Variants in ZNF407 observed in about 807,000 individuals in gnomAD.
ZNF407 encodes zinc finger protein 407.
In ZNF407, 17 loss-of-function variants were observed where a neutral mutation model predicts 131.2. That is an observed-to-expected ratio of 0.13 (90% CI 0.09 to 0.19). ZNF407 has a LOEUF of 0.19. ZNF407 is among the 10% of genes least tolerant of loss of function. The pLI, the probability that ZNF407 is intolerant of heterozygous loss-of-function variation, is 1.00. For missense variants in ZNF407, 2,681 were observed against 2,830.6 expected (o/e 0.95, Z 1.20); for synonymous variants, 1,156 against 1,062.0 (o/e 1.09, Z -1.72).
intron 3 of ZNF407, among the ~76,000 whole-genome samples, chr18:74,778,178 T>G (rs1419467553): frequency 6.6e-6 from 1 of 152,174 alleles, no homozygotes; most frequent in African/African-American, 2.4e-5. Context: ...CCCTCTTTTT[T>G]CTATCCTCCC....
At chr18:74,616,733 C>T (rs964561207) in intron 1 of ZNF407, among the ~76,000 whole-genome samples, 4 of 143,498 alleles carry the variant, frequency 2.8e-5, no homozygotes, top group Admixed American at 7.1e-5. Flanking sequence ...TTCATGTCCA[C>T]GCTCTCTTGC....
chr18:74,797,909 A>G (rs1483221262), intron 4 of ZNF407, among the ~76,000 whole-genome samples: 1 of 152,102 alleles, frequency 6.6e-6, no homozygotes, highest in Non-Finnish European at 1.5e-5. Flanking sequence ...ATTAAGTGAA[A>G]TAATGATGCA....
At chr18:74,863,277 C>G (rs1458320412) in intron 4 of ZNF407, among the ~76,000 whole-genome samples, 1 of 151,088 alleles carries the variant, frequency 6.6e-6, no homozygotes, top group Non-Finnish European at 1.5e-5. Context: ...TTGTAAGTGA[C>G]ATTGTATGTA....
intron 1 of ZNF407, among the ~76,000 whole-genome samples, chr18:74,624,230 G>C (rs1309809911): frequency 6.6e-6 from 1 of 152,138 alleles, no homozygotes; most frequent in African/African-American, 2.4e-5. Flanking sequence ...CATGTTTGTT[G>C]AGTGAATGAC....
intron 1 of ZNF407, among the ~76,000 whole-genome samples, chr18:74,602,345 T>C (rs1210314365): frequency 6.6e-6 from 1 of 152,316 alleles, no homozygotes; most frequent in East Asian, 1.9e-4. Flanking sequence ...TTAAGTGTCA[T>C]TTTTCCTTTA....
At chr18:75,012,320 CACATAGTGTATGTACACATAGTGTAT>C (rs1972986003) in intron 8 of ZNF407, among the ~76,000 whole-genome samples, 2 of 107,050 alleles carry the variant, frequency 1.9e-5, no homozygotes, top group African/African-American at 6.6e-5. Context: ...AGTGTATGTA[CACATAGTGTATGTACACATAGTGTAT>C]GTACACATAG....
intron 3 of ZNF407, among the ~76,000 whole-genome samples, chr18:74,647,095 C>T (rs561726614): frequency 1.3e-5 from 2 of 152,006 alleles, no homozygotes; most frequent in Non-Finnish European, 2.9e-5. Flanking sequence ...TGACTTAACT[C>T]GTTGCTTCTT....
chr18:74,694,802 C>G (rs1207230743), intron 3 of ZNF407, among the ~76,000 whole-genome samples: 1 of 152,170 alleles, frequency 6.6e-6, no homozygotes, highest in Non-Finnish European at 1.5e-5. Context: ...GGCCCTAGTT[C>G]TCATGACTGG....
At chr18:74,850,453 T>C (rs1323698446) in intron 4 of ZNF407, among the ~76,000 whole-genome samples, 4 of 152,156 alleles carry the variant, frequency 2.6e-5, no homozygotes, top group Non-Finnish European at 5.9e-5. Flanking sequence ...ATTCTACTCC[T>C]TTCCCTCTTT....
intron 1 of ZNF407, among the ~76,000 whole-genome samples, chr18:74,610,729 T>C (rs1983022479): frequency 6.6e-6 from 1 of 152,016 alleles, no homozygotes. Flanking sequence ...CTGCTTTTTT[T>C]TTAAGTAGAG....
At chr18:74,709,799 A>G (rs1967714133) in intron 3 of ZNF407, among the ~76,000 whole-genome samples, 1 of 152,236 alleles carries the variant, frequency 6.6e-6, no homozygotes, top group South Asian at 2.1e-4. Flanking sequence ...AAGGGAATGA[A>G]CAGATATAAT....
At chr18:75,022,270 G>A (rs1381332523) in intron 8 of ZNF407, among the ~76,000 whole-genome samples, 1 of 152,132 alleles carries the variant, frequency 6.6e-6, no homozygotes, top group Non-Finnish European at 1.5e-5. Flanking sequence ...TGTGAATCAG[G>A]TGCCTTAAAT....
chr18:74,899,972 G>A (rs890459074), intron 7 of ZNF407, among the ~76,000 whole-genome samples: 4 of 152,216 alleles, frequency 2.6e-5, no homozygotes, highest in African/African-American at 7.2e-5. Context: ...AAAGACAGAG[G>A]GTGGCAGCTG....
intron 1 of ZNF407, among the ~76,000 whole-genome samples, chr18:74,627,710 G>T (rs967036123): frequency 6.6e-6 from 1 of 152,014 alleles, no homozygotes; most frequent in African/African-American, 2.4e-5. Flanking sequence ...ATCAAATAAG[G>T]TTGGAAAGAG....
intron 7 of ZNF407, among the ~76,000 whole-genome samples, chr18:74,894,502 A>G (rs1182481057): frequency 6.6e-6 from 1 of 152,140 alleles, no homozygotes; most frequent in East Asian, 1.9e-4. Flanking sequence ...TACTTTCCAA[A>G]ACATAGGGTT....
intron 8 of ZNF407, among the ~76,000 whole-genome samples, chr18:74,991,957 A>G (rs1415949019): frequency 6.6e-6 from 1 of 152,218 alleles, no homozygotes; most frequent in African/African-American, 2.4e-5. Context: ...CCTTGTATAA[A>G]TTTGAACTCT....
chr18:74,666,026 CTGGCT>C (rs1985916293), intron 3 of ZNF407, among the ~76,000 whole-genome samples: 1 of 152,152 alleles, frequency 6.6e-6, no homozygotes, highest in East Asian at 1.9e-4. Context: ...TGACCTGGCC[CTGGCT>C]TGCCTGAGAA....
At chr18:74,756,293 T>G (rs1968962053) in intron 3 of ZNF407, among the ~76,000 whole-genome samples, 2 of 152,150 alleles carry the variant, frequency 1.3e-5, no homozygotes, top group South Asian at 4.1e-4. Flanking sequence ...ATTGGTTTGG[T>G]TATTCTGAGT....
intron 4 of ZNF407, among the ~76,000 whole-genome samples, chr18:74,854,198 G>T (rs1250476145): frequency 6.6e-6 from 1 of 152,150 alleles, no homozygotes; most frequent in Non-Finnish European, 1.5e-5. Flanking sequence ...CTAGACAAAA[G>T]TCAAAAGATC....
Sources: gnomAD v4.1 joint callset for allele counts (sites outside exome capture counted in the v4.1 genomes callset) on GRCh38, gnomAD v4.1.1 for gene constraint, MANE v1.5 for transcripts, NCBI Gene and HGNC (gene_info 2026-07-23, HGNC 2026-07-21) for gene names.